The following VEGFC variants were observed in gnomAD, a reference collection of about 807,000 sequenced individuals.
VEGFC encodes the protein vascular endothelial growth factor C.
A neutral mutation model predicts 46.1 loss-of-function variants in VEGFC; 12 were observed. The observed-to-expected ratio is 0.26, with a 90% CI of 0.17 to 0.42. The LOEUF (loss-of-function observed/expected upper bound fraction) is 0.42, where lower values mean the gene tolerates loss of function less well. VEGFC is among the 10% of genes least tolerant of loss of function. The pLI is 1.00. For synonymous variants in VEGFC, 232 were observed against 195.5 expected (o/e 1.19, Z -1.56); for missense variants, 488 against 529.4 (o/e 0.92, Z 0.77).
At chr4:176,747,449 C>T (rs6820626) in intron 1 of VEGFC, among the ~76,000 whole-genome samples, 2 of 151,776 alleles carry the variant, frequency 1.3e-5, no homozygotes, top group Non-Finnish European at 2.9e-5. Context: ...GACTGCAAAC[C>T]CTGGGTCAGA....
intron 1 of VEGFC, among the ~76,000 whole-genome samples, chr4:176,734,973 C>A (rs1272285622): frequency 4.0e-5 from 6 of 151,054 alleles, no homozygotes; most frequent in African/African-American, 1.5e-4. Context: ...CCTTCAATGA[C>A]TGGCAAAGCA....
chr4:176,731,697 G>C (rs1193169452), intron 1 of VEGFC, among the ~76,000 whole-genome samples: 1 of 151,858 alleles, frequency 6.6e-6, no homozygotes, highest in Non-Finnish European at 1.5e-5. Flanking sequence ...TCTATTTCCA[G>C]AACAGGTCTG....
intron 1 of VEGFC, among the ~76,000 whole-genome samples, chr4:176,735,497 T>A (rs1735039309): frequency 6.6e-6 from 1 of 151,890 alleles, no homozygotes; most frequent in Admixed American, 6.6e-5. Flanking sequence ...AAATTACTAG[T>A]GGATATATGC....
chr4:176,736,466 A>G (rs959319788), intron 1 of VEGFC, among the ~76,000 whole-genome samples: 4 of 56,940 alleles, frequency 7.0e-5, no homozygotes, highest in African/African-American at 1.2e-4. Context: ...TGCCTCAATT[A>G]GTTCTACTAT....
chr4:176,689,064 A>C (rs188671558), intron 4 of VEGFC, among the ~76,000 whole-genome samples: 1 of 152,346 alleles, frequency 6.6e-6, no homozygotes, highest in East Asian at 1.9e-4. Context: ...TACAGGATAT[A>C]TATCAACTTC....
intron 4 of VEGFC, among the ~76,000 whole-genome samples, chr4:176,694,617 C>A (rs542751169): frequency 5.3e-5 from 8 of 151,944 alleles, no homozygotes; most frequent in Admixed American, 2.6e-4. Flanking sequence ...CTCAGTTCTG[C>A]ACCAAGCGGA....
At chr4:176,732,823 CAAATT>C (rs763525841) in intron 1 of VEGFC, among the ~76,000 whole-genome samples, 2 of 151,330 alleles carry the variant, frequency 1.3e-5, no homozygotes, top group Non-Finnish European at 3.0e-5. Context: ...TTTAAAGTGA[CAAATT>C]ATATTTCCAG....
At chr4:176,784,720 T>G (rs1735972577) in intron 1 of VEGFC, among the ~76,000 whole-genome samples, 1 of 120,958 alleles carries the variant, frequency 8.3e-6, no homozygotes, top group Non-Finnish European at 1.6e-5. Flanking sequence ...ACCACTGCAT[T>G]CCATCCAGCC....
intron 4 of VEGFC, among the ~76,000 whole-genome samples, chr4:176,697,442 C>G (rs1379941194): frequency 1.3e-5 from 2 of 152,220 alleles, no homozygotes; most frequent in African/African-American, 4.8e-5. Context: ...GAGATACCAT[C>G]TCACACCACG....
intron 1 of VEGFC, among the ~76,000 whole-genome samples, chr4:176,734,597 T>TGAA (rs1408690618): frequency 6.6e-6 from 1 of 151,798 alleles, no homozygotes; most frequent in Non-Finnish European, 1.5e-5. Flanking sequence ...ATGTCAAATG[T>TGAA]GAAGTCATTA....
At chr4:176,685,450 A>G (rs1222103792) in intron 6 of VEGFC, among the ~76,000 whole-genome samples, 1 of 152,166 alleles carries the variant, frequency 6.6e-6, no homozygotes, top group Non-Finnish European at 1.5e-5. Flanking sequence ...GCTTGGAATT[A>G]TACACTTAGA....
chr4:176,770,005 A>C (rs1321336121), intron 1 of VEGFC, among the ~76,000 whole-genome samples: 1 of 152,202 alleles, frequency 6.6e-6, no homozygotes, highest in Non-Finnish European at 1.5e-5. Flanking sequence ...AAAATAAGTC[A>C]ATAAGACATA....
At chr4:176,784,068 T>TTGTTG (rs79513694) in intron 1 of VEGFC, among the ~76,000 whole-genome samples, 4 of 140,114 alleles carry the variant, frequency 2.9e-5, no homozygotes, top group East Asian at 2.2e-4. Flanking sequence ...ATGCTGTTTT[T>TTGTTG]TTTTTTTTTT....
chr4:176,785,111 G>A (rs1735979780), intron 1 of VEGFC, among the ~76,000 whole-genome samples: 1 of 152,130 alleles, frequency 6.6e-6, no homozygotes, highest in Admixed American at 6.5e-5. Flanking sequence ...TCTGCAGTTA[G>A]CAAAATAGCT....
At chr4:176,684,358 A>G (rs527490653) in intron 6 of VEGFC, among the ~76,000 whole-genome samples, 225 of 152,320 alleles carry the variant, frequency 1.5e-3, no homozygotes, top group African/African-American at 5.2e-3. Flanking sequence ...GAAAGTGAAC[A>G]CTGAAGGTCT....
At chr4:176,780,362 A>G (rs1195508075) in intron 1 of VEGFC, among the ~76,000 whole-genome samples, 3 of 137,798 alleles carry the variant, frequency 2.2e-5, no homozygotes, top group Non-Finnish European at 3.0e-5. Context: ...AGCCTGGGCG[A>G]CAGAGCGAGA....
At chr4:176,706,759 A>G (rs1367539596) in intron 4 of VEGFC, among the ~76,000 whole-genome samples, 6 of 152,072 alleles carry the variant, frequency 3.9e-5, no homozygotes, top group African/African-American at 1.2e-4. Flanking sequence ...AATAATTTGC[A>G]TACAATAACA....
Position 176,744,352 on chromosome 4 carries a change from A to G in VEGFC, c.148-14606T>C, listed in dbSNP as rs529274338. On this transcript the variant is annotated intron_variant, in intron 1 of 6. Transcript: ENST00000618562. ...CAGGGCAGCAGGTACACAATTTAAA[A>G]AGAAAAAAAAAACCTATTTTCTTAG... is the stretch of plus-strand genomic sequence containing the variant. 2.6e-5 allele frequency among the ~76,000 whole-genome samples: 4 copies of G among 152,174 alleles called. No individual in the cohort carries two copies. The East Asian group carries it at 5.8e-4, about 22-fold the overall frequency.
At chr4:176,766,257 T>C (rs1735620270) in intron 1 of VEGFC, among the ~76,000 whole-genome samples, 1 of 152,134 alleles carries the variant, frequency 6.6e-6, no homozygotes, top group African/African-American at 2.4e-5. Flanking sequence ...AAGGTGATAT[T>C]AAAGAACAAA....
Sources: gnomAD v4.1 joint callset for allele counts (sites outside exome capture counted in the v4.1 genomes callset) on GRCh38, gnomAD v4.1.1 for gene constraint, MANE v1.5 for transcripts, NCBI Gene and HGNC (gene_info 2026-07-23, HGNC 2026-07-21) for gene names.